PEX14: variants seen among roughly 807,000 people sequenced by gnomAD.
The protein encoded by PEX14 is peroxisomal biogenesis factor 14.
PEX14 carries 15 observed loss-of-function variants against 49.5 expected under a neutral mutation model. That is an observed-to-expected ratio of 0.30 (90% CI 0.20 to 0.47). PEX14 has a LOEUF of 0.47. PEX14 is among the 20% of genes least tolerant of loss of function. The pLI is 1.00. For synonymous variants in PEX14, 210 were observed against 212.7 expected, an observed-to-expected ratio of 0.99 and a Z score of 0.11; for missense variants, 398 against 494.8, an observed-to-expected ratio of 0.80 and a Z score of 1.86.
At chr1:10,585,102 C>T (rs1640441596) in intron 3 of PEX14, among the ~76,000 whole-genome samples, 2 of 152,078 alleles carry the variant, frequency 1.3e-5, no homozygotes, top group Non-Finnish European at 2.9e-5. Context: ...GTCTCAGGAC[C>T]CCTTTCACCC....
intron 2 of PEX14, among the ~76,000 whole-genome samples, chr1:10,525,442 T>C (rs1638444607): frequency 6.6e-6 from 1 of 152,262 alleles, no homozygotes; most frequent in Non-Finnish European, 1.5e-5. Flanking sequence ...GTGACCTGTA[T>C]TAGATACCGC....
At chr1:10,521,944 T>C (rs539435920) in intron 2 of PEX14, among the ~76,000 whole-genome samples, 1 of 152,352 alleles carries the variant, frequency 6.6e-6, no homozygotes, top group East Asian at 1.9e-4. Context: ...TTCCAACAGC[T>C]TCCAGTAAGT....
rs1641341682 is a variant in PEX14, at chr1:10,613,966, C to T, written c.299-4366C>T. Among the ~76,000 whole-genome samples, 1 of 152,228 alleles carries T rather than the reference C, an allele frequency of 6.6e-6. No homozygotes were observed. Among genetic ancestry groups the T allele is most frequent in the Non-Finnish European group, 1.5e-5 (1 of 68,044 alleles). ...CCCATCTCCTGCCCTTGTCTTTATACCTCCGGACATTCAGGGAGCCTGGTG... is the reference window on the plus strand; with the variant it reads ...CCCATCTCCTGCCCTTGTCTTTATATCTCCGGACATTCAGGGAGCCTGGTG... On this transcript the variant is annotated intron_variant, in intron 4 of 8. Coordinates refer to ENST00000356607, the MANE Select transcript of PEX14 (RefSeq NM_004565.3). The surrounding 1 kb of genome is among the most constrained non-coding windows in gnomAD (Gnocchi z 5.0).
intron 1 of PEX14, among the ~76,000 whole-genome samples, chr1:10,481,823 C>CTT (rs34612970): frequency 1.7e-5 from 2 of 116,710 alleles, no homozygotes; most frequent in South Asian, 2.8e-4. Context: ...CCATTCTACT[C>CTT]TTTTTTTTTT....
chr1:10,542,984 A>G (rs1019569808), intron 3 of PEX14, among the ~76,000 whole-genome samples: 1 of 152,244 alleles, frequency 6.6e-6, no homozygotes, highest in Non-Finnish European at 1.5e-5. Flanking sequence ...ATTATGTTTC[A>G]TAGTAAAGAA....
At chr1:10,559,967 C>G (rs1263215665) in intron 3 of PEX14, among the ~76,000 whole-genome samples, 1 of 152,162 alleles carries the variant, frequency 6.6e-6, no homozygotes, top group Non-Finnish European at 1.5e-5. Flanking sequence ...CGTGTGTCTT[C>G]CCTGCACTCC....
rs1640868308 is a variant in PEX14 at position 10,597,705 on chromosome 1, G to A, written c.170-1533G>A. Among the ~76,000 whole-genome samples, 1 of 152,216 alleles carries A rather than the reference G, an allele frequency of 6.6e-6. No homozygotes were observed. Among genetic ancestry groups the A allele is most frequent in the Non-Finnish European group, 1.5e-5 (1 of 68,038 alleles). On this transcript the variant is annotated intron_variant, in intron 3 of 8. Coordinates refer to ENST00000356607, the MANE Select transcript of PEX14 (RefSeq NM_004565.3). The surrounding 1 kb of genome is among the most constrained non-coding windows in gnomAD (Gnocchi z 5.7). ...GGCTCTTCAGACTTCCCAGTGGTGA[G>A]GCTGTGCCTGCCCTTGGCCAGCTCC...
At chr1:10,548,225 C>CA (rs1553188815) in intron 3 of PEX14, among the ~76,000 whole-genome samples, 46 of 152,202 alleles carry the variant, frequency 3.0e-4, no homozygotes, top group African/African-American at 1.1e-3. Context: ...TCAAAACAAA[C>CA]AAACAAAACA....
chr1:10,568,724 TAG>T (rs1397219237), intron 3 of PEX14, among the ~76,000 whole-genome samples: 2 of 152,026 alleles, frequency 1.3e-5, no homozygotes, highest in Non-Finnish European at 2.9e-5. Flanking sequence ...AAAATTAAGG[TAG>T]AGTGTTTTTT....
chr1:10,587,035 G>T (rs1640513962), intron 3 of PEX14, among the ~76,000 whole-genome samples: 1 of 152,168 alleles, frequency 6.6e-6, no homozygotes, highest in Non-Finnish European at 1.5e-5. Context: ...GCTAGAGGCT[G>T]TTACTCTATT....
intron 3 of PEX14, among the ~76,000 whole-genome samples, chr1:10,583,660 A>G (rs1640395870): frequency 3.0e-5 from 1 of 32,970 alleles, no homozygotes; most frequent in Non-Finnish European, 1.2e-4. Context: ...AGAATAAAAT[A>G]TAAACATGAG....
At chr1:10,614,036 G>A (rs1038744163) in intron 4 of PEX14, among the ~76,000 whole-genome samples, 14 of 152,224 alleles carry the variant, frequency 9.2e-5, no homozygotes, top group African/African-American at 3.1e-4. Context: ...GTTCCCTTGC[G>A]GGGTCTGCAC....
intron 2 of PEX14, among the ~76,000 whole-genome samples, chr1:10,497,882 A>G (rs1641596969): frequency 6.6e-6 from 1 of 152,190 alleles, no homozygotes; most frequent in South Asian, 2.1e-4. Context: ...TTTTCATACA[A>G]TTCCTTAATG....
chr1:10,537,339 G>GCGGGGGCCCCCC, intron 3 of PEX14, among the ~76,000 whole-genome samples: 1 of 12,346 alleles, frequency 8.1e-5, no homozygotes, highest in East Asian at 6.8e-3. Context: ...CATTGTGCCA[G>GCGGGGGCCCCCC]CACCCCCCCC....
At chr1:10,534,307 G>GT (rs1320234120) in intron 2 of PEX14, among the ~76,000 whole-genome samples, 5 of 152,004 alleles carry the variant, frequency 3.3e-5, no homozygotes, top group Admixed American at 3.3e-4. Flanking sequence ...CAGTGACTGG[G>GT]TACCTGTTCA....
At chr1:10,560,135 G>C (rs1639612432) in intron 3 of PEX14, among the ~76,000 whole-genome samples, 3 of 151,610 alleles carry the variant, frequency 2.0e-5, no homozygotes, top group African/African-American at 7.3e-5. Context: ...TTGGCTCACT[G>C]CAATCTCTGC....
At chr1:10,622,961 T>G in intron 5 of PEX14, 58 bp from the exon 6 acceptor site, 1 of 1,205,804 alleles carries the variant, frequency 8.3e-7, no homozygotes, top group Non-Finnish European at 1.2e-6. Flanking sequence ...ATTTGAGAGA[T>G]TGTTGGAGGA....
intron 5 of PEX14, 38 bp downstream of exon 5, chr1:10,618,455 G>C: frequency 1.3e-6 from 2 of 1,482,930 alleles, no homozygotes; most frequent in Non-Finnish European, 1.9e-6. Flanking sequence ...CTGTGCCCCT[G>C]CCACCCTGTG....
intron 3 of PEX14, among the ~76,000 whole-genome samples, chr1:10,551,359 C>T (rs906049841): frequency 6.6e-6 from 1 of 152,104 alleles, no homozygotes; most frequent in Non-Finnish European, 1.5e-5. Context: ...CCTGAGCTTC[C>T]GTGCCTCACC....
Sources: allele counts gnomAD v4.1 joint callset (sites outside exome capture counted in the v4.1 genomes callset), GRCh38; gene constraint gnomAD v4.1.1; non-coding constraint Gnocchi (gnomAD v3.1); transcripts MANE v1.5; gene names NCBI Gene and HGNC (gene_info 2026-07-23, HGNC 2026-07-21).